Variants in APBA2 observed in about 807,000 individuals in gnomAD.
The protein encoded by APBA2 is amyloid beta precursor protein binding family A member 2, also known as amyloid-beta A4 precursor protein-binding family A member 2.
APBA2 carries 30 observed loss-of-function variants against 75.0 expected under a neutral mutation model. The ratio of observed to expected loss-of-function variants is 0.40; its 90% CI spans 0.30 to 0.54. The LOEUF (loss-of-function observed/expected upper bound fraction) is 0.54. Among genes scored for constraint, APBA2 ranks in the 20% least tolerant of loss-of-function variants. The pLI is 0.49. For synonymous variants in APBA2, 444 were observed against 409.6 expected, an observed-to-expected ratio of 1.08 and a Z score of -1.01; for missense variants, 801 against 1,016.1, an observed-to-expected ratio of 0.79 and a Z score of 2.88.
intron 3 of APBA2, among the ~76,000 whole-genome samples, chr15:29,012,035 A>G (rs2039427813): frequency 6.6e-6 from 1 of 152,210 alleles, no homozygotes; most frequent in Non-Finnish European, 1.5e-5. Flanking sequence ...GATAGTAGAG[A>G]GTTCCCATAC....
At chr15:29,072,732 C>T (rs575090116) in intron 4 of APBA2, among the ~76,000 whole-genome samples, 249 of 152,174 alleles carry the variant, frequency 1.6e-3, no homozygotes, top group South Asian at 5.6e-3. Flanking sequence ...AAACCAGAGC[C>T]GGGCCTTTGG....
At chr15:28,924,765 G>A (rs1020498911) in intron 2 of APBA2, among the ~76,000 whole-genome samples, 1 of 152,114 alleles carries the variant, frequency 6.6e-6, no homozygotes, top group African/African-American at 2.4e-5. Context: ...CAACTCTTTT[G>A]TGTATGTATT....
At chr15:29,072,277 G>A (rs1314996526) in intron 4 of APBA2, among the ~76,000 whole-genome samples, 1 of 152,186 alleles carries the variant, frequency 6.6e-6, no homozygotes, top group Non-Finnish European at 1.5e-5. Context: ...AGGAACCCAA[G>A]TCCATGCAGA....
intron 14 of APBA2, among the ~76,000 whole-genome samples, chr15:29,116,187 G>T (rs995602726): frequency 1.3e-5 from 2 of 152,170 alleles, no homozygotes; most frequent in Admixed American, 6.5e-5. Context: ...TGTATACCCA[G>T]CTCCTTTGGA....
intron 2 of APBA2, among the ~76,000 whole-genome samples, chr15:28,941,645 CA>C (rs1335982665): frequency 1.3e-5 from 2 of 152,148 alleles, no homozygotes; most frequent in African/African-American, 2.4e-5. Flanking sequence ...AGGATGTGGT[CA>C]GGGGCACACA....
At chr15:28,917,172 T>A (rs1312704979) in intron 1 of APBA2, among the ~76,000 whole-genome samples, 1 of 152,106 alleles carries the variant, frequency 6.6e-6, no homozygotes, top group African/African-American at 2.4e-5. Context: ...GTTTCCATCC[T>A]CCCTGCCCTC....
chr15:29,006,973 C>T (rs2039150549), intron 3 of APBA2, among the ~76,000 whole-genome samples: 1 of 152,126 alleles, frequency 6.6e-6, no homozygotes, highest in South Asian at 2.1e-4. Flanking sequence ...AAAAGAAGGA[C>T]AAAGTTGGCG....
chr15:28,910,574 G>A (rs2033382640), intron 1 of APBA2, among the ~76,000 whole-genome samples: 1 of 152,182 alleles, frequency 6.6e-6, no homozygotes, highest in African/African-American at 2.4e-5. Flanking sequence ...TCAGTCCTGG[G>A]CACCCTGGGC....
intron 13 of APBA2, among the ~76,000 whole-genome samples, chr15:29,113,412 G>A (rs1476180133): frequency 2.6e-5 from 4 of 152,238 alleles, no homozygotes; most frequent in African/African-American, 4.8e-5. Context: ...TTGGGCATCC[G>A]GCAAACAGAG....
intron 1 of APBA2, among the ~76,000 whole-genome samples, chr15:28,911,355 T>G (rs1566791602): frequency 6.6e-6 from 1 of 152,178 alleles, no homozygotes; most frequent in Non-Finnish European, 1.5e-5. Flanking sequence ...TGGACCATTT[T>G]GCTTCCCCTG....
intron 9 of APBA2, among the ~76,000 whole-genome samples, chr15:29,099,811 G>T (rs965845813): frequency 1.3e-5 from 2 of 152,222 alleles, no homozygotes; most frequent in African/African-American, 4.8e-5. Flanking sequence ...ATCCTCATGA[G>T]CTGTATAGCC....
chr15:29,059,278 G>T lies in APBA2; in HGVS notation c.951+4443G>T, dbSNP rs184547324. Reference sequence around the variant, plus strand: ...CTCAAGTGTGGTGCTGAAGCCTAGTGATCCTAAGCACAGAATGGCTGCCAT... The same window carrying T: ...CTCAAGTGTGGTGCTGAAGCCTAGTTATCCTAAGCACAGAATGGCTGCCAT... On this transcript the variant is annotated intron_variant, in intron 4 of 14. Coordinates refer to ENST00000683413, the MANE Select transcript of APBA2 (RefSeq NM_001353788.2). Among the ~76,000 whole-genome samples the T allele has an allele frequency of 2.0e-5, 3 of 152,248 alleles. No individual in the cohort carries two copies. In the East Asian group the frequency reaches 5.8e-4, roughly 29 times the overall value.
chr15:28,940,910 C>T (rs186723676), intron 2 of APBA2, among the ~76,000 whole-genome samples: 42 of 152,222 alleles, frequency 2.8e-4, no homozygotes, highest in Admixed American at 1.6e-3. Flanking sequence ...TCAAAGTCCA[C>T]GAGGATAGTG....
intron 12 of APBA2, 143 bp from the exon 13 acceptor site, chr15:29,108,127 C>A: frequency 2.4e-6 from 3 of 1,225,320 alleles, no homozygotes; most frequent in Non-Finnish European, 2.3e-6. Context: ...AGAGGGGCTA[C>A]CGAGGCTGAG....
At chr15:29,023,895 C>T in intron 3 of APBA2, among the ~76,000 whole-genome samples, 1 of 142,772 alleles carries the variant, frequency 7.0e-6, no homozygotes, top group African/African-American at 2.8e-5. Flanking sequence ...TACTTCTTTC[C>T]TTTTTGTCGA....
At chr15:29,027,877 A>G (rs991689065) in intron 3 of APBA2, among the ~76,000 whole-genome samples, 16 of 152,278 alleles carry the variant, frequency 1.1e-4, no homozygotes, top group African/African-American at 3.6e-4. Context: ...TGCTGGGATT[A>G]CAGGCGTGAG....
At chr15:29,052,595 G>C (rs2041656255) in intron 3 of APBA2, among the ~76,000 whole-genome samples, 1 of 152,066 alleles carries the variant, frequency 6.6e-6, no homozygotes, top group African/African-American at 2.4e-5. Flanking sequence ...TCTAGCCTCT[G>C]TCCCCACGCC....
intron 2 of APBA2, among the ~76,000 whole-genome samples, chr15:28,934,576 G>A (rs2034748002): frequency 6.6e-6 from 1 of 152,210 alleles, no homozygotes; most frequent in African/African-American, 2.4e-5. Flanking sequence ...GGGGCTTGGG[G>A]CCAGCTACAA....
chr15:29,045,069 TTCTC>T (rs1555399868), intron 3 of APBA2, among the ~76,000 whole-genome samples: 401 of 82,666 alleles, frequency 4.9e-3, no homozygotes, highest in South Asian at 6.4e-3. Flanking sequence ...CCCTCCCTCC[TTCTC>T]TCTCTCTCTC....
Sources: gnomAD v4.1 joint callset for allele counts (sites outside exome capture counted in the v4.1 genomes callset) on GRCh38, gnomAD v4.1.1 for gene constraint, MANE v1.5 for transcripts, NCBI Gene and HGNC (gene_info 2026-07-23, HGNC 2026-07-21) for gene names.